The following CHN1 variants were observed in gnomAD, a reference collection of about 807,000 sequenced individuals.
The protein encoded by CHN1 is N-chimaerin.
A neutral mutation model predicts 59.5 loss-of-function variants in CHN1; 37 were observed. The observed-to-expected ratio is 0.62, with a 90% CI of 0.48 to 0.82. The LOEUF (loss-of-function observed/expected upper bound fraction) is 0.82, where lower values mean the gene tolerates loss of function less well. CHN1 is among the 40% of genes least tolerant of loss of function. The probability of loss-of-function intolerance (pLI) is 0.00; values close to 1 mark genes in which losing one functional copy is unlikely to be tolerated. For missense variants in CHN1, 469 were observed against 571.0 expected, an observed-to-expected ratio of 0.82 and a Z score of 1.82; for synonymous variants, 206 against 200.4, an observed-to-expected ratio of 1.03 and a Z score of -0.24.
rs563460450 is a variant in CHN1 at position 174,942,506 on chromosome 2, G to C, written c.114+2382C>G. Among the ~76,000 whole-genome samples the C allele has an allele frequency of 2.2e-3, 338 of 152,062 alleles. 2 individuals carry two copies. Among genetic ancestry groups the C allele is most frequent in the African/African-American group, 7.9e-3 (328 of 41,514 alleles). On this transcript the variant is annotated intron_variant, in intron 3 of 12. Coordinates refer to ENST00000409900, the MANE Select transcript of CHN1 (RefSeq NM_001822.7). ...AGACAGTGGTATCTAGAGGCTGGGA[G>C]GGGTAGAGGAAAAAAAGGATAGGGA... is the stretch of plus-strand genomic sequence containing the variant.
At chr2:174,815,206 G>A (rs1685203981) in intron 8 of CHN1, among the ~76,000 whole-genome samples, 1 of 151,988 alleles carries the variant, frequency 6.6e-6, no homozygotes, top group Non-Finnish European at 1.5e-5. Context: ...GTGAGACCCT[G>A]CCTCTACAAA....
At chr2:174,801,390 G>A (rs1378317568) in intron 12 of CHN1, among the ~76,000 whole-genome samples, 1 of 152,138 alleles carries the variant, frequency 6.6e-6, no homozygotes, top group Non-Finnish European at 1.5e-5. Context: ...TTATGCAAGT[G>A]TCTTTACAGC....
Position 174,878,148 on chromosome 2 carries a change from A to G in CHN1, c.261-20T>C. The G allele has an allele frequency of 1.3e-6, 2 of 1,520,522 alleles. No homozygotes were observed. Among genetic ancestry groups the G allele is most frequent in the Non-Finnish European group, 1.8e-6 (2 of 1,134,030 alleles). The allele number at this position is 1,520,522 out of a possible 1,614,324, so 94.2% of individuals were successfully genotyped here. A position where few individuals can be genotyped will look rare whatever the true frequency, so the allele number is the denominator to read the frequency against. ...CCAAATCTGCCTCAATGAAATGGGA[A>G]AGATGTTTTTAAGAAAAGTAAGCAA... On this transcript the variant is annotated intron_variant, in intron 5 of 12. Transcript: ENST00000409900.
chr2:174,977,218 G>C (rs1690975713), intron 1 of CHN1, among the ~76,000 whole-genome samples: 1 of 152,162 alleles, frequency 6.6e-6, no homozygotes, highest in Admixed American at 6.5e-5. Context: ...TAAATTAGTG[G>C]ACATGGCTTT....
chr2:174,844,094 A>G (rs373391432), intron 7 of CHN1, among the ~76,000 whole-genome samples: 1 of 152,020 alleles, frequency 6.6e-6, no homozygotes, highest in Non-Finnish European at 1.5e-5. Flanking sequence ...ATAGTGTAAT[A>G]GTTTTTAGAG....
intron 5 of CHN1, among the ~76,000 whole-genome samples, chr2:174,908,892 T>C (rs889906441): frequency 3.3e-5 from 5 of 152,230 alleles, no homozygotes; most frequent in African/African-American, 1.2e-4. Context: ...ATGGGTTTCA[T>C]TATGCTAAAA....
intron 7 of CHN1, among the ~76,000 whole-genome samples, chr2:174,837,801 C>A (rs893971677): frequency 3.3e-5 from 5 of 152,092 alleles, no homozygotes; most frequent in African/African-American, 1.2e-4. Context: ...AAAGAAAAAC[C>A]ATTGCTTGTC....
intron 7 of CHN1, among the ~76,000 whole-genome samples, chr2:174,838,304 G>A (rs1377253898): frequency 6.6e-6 from 1 of 152,100 alleles, no homozygotes; most frequent in Admixed American, 6.5e-5. Flanking sequence ...TGTTGGTCAG[G>A]CTGGTCTTGA....
chr2:174,832,045 C>A (rs188093674), intron 7 of CHN1, among the ~76,000 whole-genome samples: 324 of 152,150 alleles, frequency 2.1e-3, no homozygotes, highest in African/African-American at 6.9e-3. Context: ...TCTTGTGATC[C>A]ACAATTCTTT....
At chr2:174,809,402 G>A (rs573581509) in intron 10 of CHN1, among the ~76,000 whole-genome samples, 5 of 152,228 alleles carry the variant, frequency 3.3e-5, no homozygotes, top group Middle Eastern at 3.4e-3. Flanking sequence ...TAAAGTGCTC[G>A]GCAGGATTCA....
chr2:174,962,325 T>C (rs1690438202), intron 1 of CHN1, among the ~76,000 whole-genome samples: 1 of 151,982 alleles, frequency 6.6e-6, no homozygotes, highest in Non-Finnish European at 1.5e-5. Flanking sequence ...TTTCATCTAA[T>C]AGAAGAAATA....
chr2:174,832,053 T>C (rs781117865), intron 7 of CHN1, among the ~76,000 whole-genome samples: 1 of 152,138 alleles, frequency 6.6e-6, no homozygotes, highest in South Asian at 2.1e-4. Flanking sequence ...TCCACAATTC[T>C]TTGAAGCTAA....
At chr2:174,959,573 C>T (rs1690333573) in intron 1 of CHN1, among the ~76,000 whole-genome samples, 1 of 152,114 alleles carries the variant, frequency 6.6e-6, no homozygotes, top group African/African-American at 2.4e-5. Flanking sequence ...TCTTTAATTC[C>T]TGAGATTCAA....
intron 4 of CHN1, among the ~76,000 whole-genome samples, chr2:174,915,741 T>C (rs1424328466): frequency 6.6e-6 from 1 of 152,084 alleles, no homozygotes; most frequent in Non-Finnish European, 1.5e-5. Flanking sequence ...TTATCTTTGA[T>C]TAACATAGAA....
intron 8 of CHN1, among the ~76,000 whole-genome samples, chr2:174,821,571 T>G (rs1388677756): frequency 2.6e-5 from 4 of 152,162 alleles, no homozygotes; most frequent in Non-Finnish European, 5.9e-5. Flanking sequence ...GCCTCCCCTG[T>G]GAATGGGATT....
chr2:174,970,205 T>C (rs1433653592), intron 1 of CHN1, among the ~76,000 whole-genome samples: 1 of 152,250 alleles, frequency 6.6e-6, no homozygotes, highest in Non-Finnish European at 1.5e-5. Flanking sequence ...TAAAGCACCA[T>C]CTGTTGTTGT....
Position 175,005,067 on chromosome 2 carries a change from G to A in CHN1, c.-155C>T. 7.5e-7 allele frequency: 1 copy of A among 1,341,456 alleles called. No homozygotes were observed. The allele number at this position is 1,341,456 out of a possible 1,614,324, so 83.1% of individuals were successfully genotyped here. A position where few individuals can be genotyped will look rare whatever the true frequency, so the allele number is the denominator to read the frequency against. On this transcript the variant is annotated 5_prime_UTR_variant, in exon 1 of 13. Coordinates refer to ENST00000409900, the MANE Select transcript of CHN1 (RefSeq NM_001822.7). ...GGCGCCCGGGGAGGCTGCAGGCCGG[G>A]ACGCGGGGGACCGCTGCAAGAAAAA...
chr2:174,804,490 AAC>A, intron 11 of CHN1, among the ~76,000 whole-genome samples: 1 of 152,232 alleles, frequency 6.6e-6, no homozygotes, highest in Non-Finnish European at 1.5e-5. Context: ...CCTAGTGGAA[AAC>A]AGACTGTGGA....
Position 174,914,898 on chromosome 2 carries a change from C to T in CHN1, c.260+160G>A, listed in dbSNP as rs112622939. 9.4e-3 allele frequency among the ~76,000 whole-genome samples: 1,407 copies of T among 149,922 alleles called. 24 individuals are homozygous for T. The highest frequency in any genetic ancestry group is 0.033 in the African/African-American group (1,324 of 40,738). ...CTTAATTACTGAGTGTTACCATTCACGAGGAATTTTTAAAGGGTCTCAAAG... is the reference window on the plus strand; with the variant it reads ...CTTAATTACTGAGTGTTACCATTCATGAGGAATTTTTAAAGGGTCTCAAAG... On this transcript the variant is annotated intron_variant, in intron 5 of 12. Coordinates refer to ENST00000409900, the MANE Select transcript of CHN1 (RefSeq NM_001822.7).
Sources: gnomAD v4.1 joint callset for allele counts (sites outside exome capture counted in the v4.1 genomes callset) on GRCh38, gnomAD v4.1.1 for gene constraint, MANE v1.5 for transcripts, NCBI Gene and HGNC (gene_info 2026-07-23, HGNC 2026-07-21) for gene names.